RYR1: variants seen among roughly 807,000 people sequenced by gnomAD.
RYR1 encodes central core disease of muscle.
Under a neutral mutation model 583.5 loss-of-function variants are expected in RYR1, and 342 were observed. The observed-to-expected ratio is 0.59, with a 90% CI of 0.54 to 0.64. The LOEUF (loss-of-function observed/expected upper bound fraction) is 0.64. Ranked by LOEUF, RYR1 falls within the 30% of genes least tolerant of loss-of-function variation. The probability of loss-of-function intolerance (pLI) is 0.00; values close to 1 mark genes in which losing one functional copy is unlikely to be tolerated. For missense variants in RYR1, 6,032 were observed against 6,917.2 expected, an observed-to-expected ratio of 0.87 and a Z score of 4.54; for synonymous variants, 2,791 against 2,822.5, an observed-to-expected ratio of 0.99 and a Z score of 0.35.
chr19:38,564,040 G>C (rs992771930), intron 90 of RYR1, among the ~76,000 whole-genome samples: 1 of 152,216 alleles, frequency 6.6e-6, no homozygotes, highest in African/African-American at 2.4e-5. Context: ...CCCACAGTGA[G>C]TGCTCTCTAT....
At chr19:38,507,056 C>G in intron 57 of RYR1, 104 bp downstream of exon 57, 1 of 1,560,580 alleles carries the variant, frequency 6.4e-7, no homozygotes, top group South Asian at 1.1e-5. Context: ...GGAACGGGGC[C>G]TGAGGAGCAA....
chr19:38,544,722 C>T (rs1348236669), intron 87 of RYR1, among the ~76,000 whole-genome samples: 2 of 151,770 alleles, frequency 1.3e-5, no homozygotes, highest in Non-Finnish European at 1.5e-5. Context: ...GCAATTCCTC[C>T]GTGTCACAGC....
chr19:38,572,386 C>T lies in RYR1; in HGVS notation c.13998+116C>T, dbSNP rs367918844. ...TCAAAGTGGTTGGGACAGAGGGGGC[C>T]TAGGGTTGGGGTGAGGGCTGGGGAA... is the stretch of plus-strand genomic sequence containing the variant. On this transcript the variant is annotated intron_variant, in intron 95 of 105. Coordinates refer to ENST00000359596, the MANE Select transcript of RYR1 (RefSeq NM_000540.3). 1,037 of 1,134,612 alleles carry T rather than the reference C, an allele frequency of 9.1e-4. 4 individuals carry two copies. The African/African-American group carries it at 0.012, about 13-fold the overall frequency. The allele number at this position is 1,134,612 out of a possible 1,614,324, so 70.3% of individuals were successfully genotyped here.
intron 28 of RYR1, 93 bp downstream of exon 28, chr19:38,473,864 C>T (rs956884225): frequency 2.3e-6 from 2 of 873,164 alleles, no homozygotes; most frequent in African/African-American, 1.7e-5. Flanking sequence ...CCATTGTACC[C>T]CAAAGTAGAC....
At position 38,505,386 on chromosome 19, in the gene RYR1, C is replaced by T. The variant is rs768990462; in HGVS notation, c.8388C>T (p.Thr2796=). The part of the protein sequence containing the change: ...KTHPMLRPYK[T]FSEKDKEIYR... The stretch of plus-strand genomic sequence containing the variant: ...ACCCCATGCTGAGGCCCTACAAGAC[C>T]TTTTCAGAGAAGGTGACCAGGCCTT... Residue 2796 remains threonine (T), a synonymous_variant, in exon 53 of 106, where the codon ACC becomes ACT. Coordinates refer to ENST00000359596, the MANE Select transcript of RYR1 (RefSeq NM_000540.3). 2.1e-5 allele frequency: 34 copies of T among 1,609,332 alleles called. No individual in the cohort carries two copies. The highest frequency in any genetic ancestry group is 2.8e-5 in the Non-Finnish European group (33 of 1,177,390).
chr19:38,583,081 G>A (rs866430825), intron 101 of RYR1, among the ~76,000 whole-genome samples: 8 of 152,102 alleles, frequency 5.3e-5, no homozygotes, highest in African/African-American at 1.7e-4. Flanking sequence ...TGGATCATCT[G>A]AGGTCAAGAG....
intron 101 of RYR1, among the ~76,000 whole-genome samples, chr19:38,583,480 A>G (rs1974308687): frequency 7.0e-6 from 1 of 142,980 alleles, no homozygotes; most frequent in Non-Finnish European, 1.5e-5. Context: ...TCTGTCTCAA[A>G]AAAAAAAAAA....
rs1555793251 is a variant in RYR1 at position 38,537,958 on chromosome 19, A to G, written c.11687A>G (p.Asn3896Ser). Residue 3896 changes from asparagine (N) to serine (S), a missense_variant and splice_region_variant, in exon 84 of 106, where the codon AAT becomes AGT. Asn to Ser is a conservative substitution (Grantham distance 46). Around this residue, in one of 11 missense-constraint regions of RYR1, gnomAD observed 1,493 missense variants for 1,715.5 expected, o/e 0.87. Coordinates refer to ENST00000359596, the MANE Select transcript of RYR1 (RefSeq NM_000540.3). The part of the protein sequence containing the change: ...FLQLLCEGHN[N>S]DFQNYLRTQT... ...CAATTGCTCTGTGAGGGGCACAATA[A>G]TGGTGAGGAGGAGGGGTGTGGGGTG... The G allele has an allele frequency of 2.9e-6, 3 of 1,024,724 alleles. No individual in the cohort carries two copies. Among genetic ancestry groups the G allele is most frequent in the Non-Finnish European group, 4.3e-6 (3 of 694,050 alleles). The allele number at this position is 1,024,724 out of a possible 1,614,324, so 63.5% of individuals were successfully genotyped here. A position where few individuals can be genotyped will look rare whatever the true frequency, so the allele number is the denominator to read the frequency against.
chr19:38,549,773 T>C (rs191034803), intron 89 of RYR1, among the ~76,000 whole-genome samples: 14 of 135,338 alleles, frequency 1.0e-4, no homozygotes, highest in Non-Finnish European at 1.7e-4. Flanking sequence ...TGGTGCAATC[T>C]CAGCTCAGTG....
At chr19:38,456,264 A>G (rs10423111) in intron 16 of RYR1, among the ~76,000 whole-genome samples, 87,833 of 138,988 alleles carry the variant, frequency 0.63, 28,366 homozygotes, top group Middle Eastern at 0.73. Context: ...GTGAACCACC[A>G]GCGCCTGGCA....
intron 24 of RYR1, among the ~76,000 whole-genome samples, chr19:38,467,314 A>G (rs1239027669): frequency 6.6e-6 from 1 of 151,912 alleles, no homozygotes; most frequent in African/African-American, 2.4e-5. Context: ...TTAACCCCAG[A>G]CCATAACTCT....
intron 1 of RYR1, among the ~76,000 whole-genome samples, chr19:38,435,914 A>G (rs1007617079): frequency 2.6e-5 from 4 of 152,060 alleles, no homozygotes; most frequent in African/African-American, 9.6e-5. Flanking sequence ...TTGTTTATTT[A>G]TTTATTTTTT....
intron 89 of RYR1, among the ~76,000 whole-genome samples, chr19:38,558,706 G>T (rs1333458753): frequency 2.6e-5 from 4 of 152,178 alleles, no homozygotes; most frequent in African/African-American, 9.6e-5. Context: ...TTGAACCCTG[G>T]AGGCAGAGGT....
intron 83 of RYR1, chr19:38,537,275 C>A: frequency 4.6e-6 from 1 of 217,502 alleles, no homozygotes; most frequent in East Asian, 1.1e-4. Context: ...CTGGTTGGCC[C>A]ATTTGCGGTC....
chr19:38,587,184 G>A (rs571589817), intron 105 of RYR1, 141 bp from the exon 106 acceptor site: 57 of 678,936 alleles, frequency 8.4e-5, no homozygotes, highest in Non-Finnish European at 1.4e-4. Flanking sequence ...GCTTGAGCCA[G>A]GAGGCTGTAG....
chr19:38,445,938 G>T (rs963057145), intron 7 of RYR1, among the ~76,000 whole-genome samples: 8 of 152,110 alleles, frequency 5.3e-5, no homozygotes, highest in Non-Finnish European at 1.0e-4. Flanking sequence ...AGTGAGCCAA[G>T]ATTGCACCAC....
In RYR1 at chr19:38,573,218, G is replaced by T; in HGVS notation, c.14040G>T (p.Arg4680=). 2.5e-6 allele frequency: 4 copies of T among 1,614,048 alleles called. No individual in the cohort carries two copies. Among genetic ancestry groups the T allele is most frequent in the African/African-American group, 1.3e-5 (1 of 75,054 alleles). ...VIFKREKELA[R]KLEFDGLYIT... ...TTAAGCGGGAGAAGGAGCTGGCCCG[G>T]AAGCTGGAGTTTGATGGCCTGTACA... Residue 4680 remains arginine, a synonymous_variant, in exon 96 of 106, where the codon CGG becomes CGT. Coordinates refer to ENST00000359596, the MANE Select transcript of RYR1 (RefSeq NM_000540.3).
In RYR1 at chr19:38,463,756, GACA is replaced by G. The variant is rs778066175; in HGVS notation, c.2697_2699del (p.Asn899del). The G allele has an allele frequency of 3.7e-6, 6 of 1,614,024 alleles. No homozygotes were observed. Among genetic ancestry groups the G allele is most frequent in the Middle Eastern group, 1.6e-4 (1 of 6,084 alleles). On this transcript the variant is annotated inframe_deletion, in exon 22 of 106. Coordinates refer to ENST00000359596, the MANE Select transcript of RYR1 (RefSeq NM_000540.3). ...CCTGGGTTTTCTCCAGGTTCGGGAT[GACA>G]ACAAGAGGCTGCACCCGTGTCTTGT...
chr19:38,448,277 G>C, intron 9 of RYR1, 78 bp from the exon 10 acceptor site: 1 of 1,495,248 alleles, frequency 6.7e-7, no homozygotes, highest in Non-Finnish European at 9.0e-7. Context: ...GTAAAAAAAA[G>C]AAAAAGAAGA....
Sources: gnomAD v4.1 joint callset for allele counts (sites outside exome capture counted in the v4.1 genomes callset) on GRCh38, gnomAD v4.1.1 for gene constraint, gnomAD v4.1.1 regional missense constraint, MANE v1.5 for transcripts, NCBI Gene and HGNC (gene_info 2026-07-23, HGNC 2026-07-21) for gene names.